PTCD3: variants seen among roughly 807,000 people sequenced by gnomAD.
PTCD3 encodes the protein small ribosomal subunit protein mS39.
Under a neutral mutation model 101.9 loss-of-function variants are expected in PTCD3, and 89 were observed. The observed-to-expected ratio is 0.87, with a 90% confidence interval of 0.74 to 1.04. PTCD3 has a LOEUF of 1.04. Among genes scored for constraint, PTCD3 ranks in the 50% least tolerant of loss-of-function variants. PTCD3 has a pLI of 0.00. For synonymous variants in PTCD3, 296 were observed against 278.5 expected (o/e 1.06, Z -0.63); for missense variants, 870 against 828.2 (o/e 1.05, Z -0.62).
At chr2:86,137,230 A>G (rs2241434) in intron 23 of PTCD3, 90 bp downstream of exon 23, 64,697 of 1,426,198 alleles carry the variant, frequency 0.045, 2,244 homozygotes, top group East Asian at 0.19. Context: ...TATCCCTTCT[A>G]TTTCCTTTCA....
rs34710000 is a variant in PTCD3, at chr2:86,140,227, C to CAAAAA, written c.*2683_*2687dup. The stretch of plus-strand genomic sequence containing the variant: ...GACTCCCCTTTCAGCAACCTCAAAG[C>CAAAAA]AAAAAAAAAAAAAAAAAAACCAGTT... On this transcript the variant is annotated 3_prime_UTR_variant, in exon 24 of 24. Coordinates refer to ENST00000254630, the MANE Select transcript of PTCD3 (RefSeq NM_017952.6). 1.9e-5 allele frequency: 2 copies of CAAAAA among 103,760 alleles called. No homozygotes were observed. The highest frequency in any genetic ancestry group is 1.0e-4 in the Admixed American group (1 of 9,898). 6.4% of individuals were successfully genotyped at this position (103,760 alleles called of 1,614,324 possible).
Position 86,136,572 on chromosome 2 carries a change from A to C in PTCD3, c.1820+10A>C. ...ATAATAAGATTCCTAGGTAAGTTGA[A>C]ATCAGCCAGCTCTCTTTGGGTACAG... On this transcript the variant is annotated intron_variant, in intron 22 of 23. Coordinates refer to ENST00000254630, the MANE Select transcript of PTCD3 (RefSeq NM_017952.6). The C allele has an allele frequency of 6.2e-7, 1 of 1,610,614 alleles. No individual in the cohort carries two copies. Among genetic ancestry groups the C allele is most frequent in the Non-Finnish European group, 8.5e-7 (1 of 1,176,768 alleles).
At chr2:86,111,679 A>T (rs1674086574) in intron 4 of PTCD3, 2 of 161,524 alleles carry the variant, frequency 1.2e-5, no homozygotes, top group South Asian at 3.3e-4. Flanking sequence ...AGACCACTTG[A>T]CATCAGGAGT....
At chr2:86,110,505 T>C (rs938950055) in intron 3 of PTCD3, among the ~76,000 whole-genome samples, 2 of 152,252 alleles carry the variant, frequency 1.3e-5, no homozygotes, top group African/African-American at 4.8e-5. Flanking sequence ...CTGTCATTTA[T>C]TCCAGTGAAG....
chr2:86,120,030 C>G (rs1050984129), intron 7 of PTCD3, among the ~76,000 whole-genome samples: 2 of 152,202 alleles, frequency 1.3e-5, no homozygotes, highest in African/African-American at 4.8e-5. Flanking sequence ...AATCATTATA[C>G]ACTTGAACAC....
At chr2:86,110,387 T>C (rs375927190) in intron 3 of PTCD3, among the ~76,000 whole-genome samples, 2 of 152,266 alleles carry the variant, frequency 1.3e-5, no homozygotes, top group Admixed American at 6.5e-5. Context: ...AAGAATGTTA[T>C]GTTAAACTTT....
In PTCD3 at chr2:86,125,520, G is replaced by A; in HGVS notation, c.865+5G>A. 1.2e-6 allele frequency: 2 copies of A among 1,601,120 alleles called. No homozygotes were observed. Among genetic ancestry groups the A allele is most frequent in the East Asian group, 2.2e-5 (1 of 44,820 alleles). On this transcript the variant is annotated splice_donor_5th_base_variant and intron_variant, in intron 11 of 23. Transcript: ENST00000254630. ...TACTAAACAACAGACTCCATGGTGAGTTTGAGAACTCCCCTCTGTCCCTTT... is the reference window on the plus strand; with the variant it reads ...TACTAAACAACAGACTCCATGGTGAATTTGAGAACTCCCCTCTGTCCCTTT...
chr2:86,112,431 A>G (rs543850344), intron 4 of PTCD3, among the ~76,000 whole-genome samples: 1 of 149,360 alleles, frequency 6.7e-6, no homozygotes, highest in East Asian at 2.0e-4. Flanking sequence ...CACTAATCCC[A>G]TCACTTTGGG....
rs527745418 is a variant in PTCD3, at chr2:86,117,706, C to T, written c.414+547C>T. Among the ~76,000 whole-genome samples, 3 of 152,202 alleles carry T rather than the reference C, an allele frequency of 2.0e-5. No homozygotes were observed. In the South Asian group the frequency reaches 6.2e-4, roughly 32 times the overall value. On this transcript the variant is annotated intron_variant, in intron 6 of 23. Transcript: ENST00000254630. ...CAAATTTCTGGGCTCAAGCAAACAC[C>T]CTTCTCAGCCTCTGCAATCTCTGGG...
rs546405339 is a variant in PTCD3 at position 86,112,709 on chromosome 2, A to T, written c.240+1551A>T. Among the ~76,000 whole-genome samples, 14 of 151,460 alleles carry T rather than the reference A, an allele frequency of 9.2e-5. No individual in the cohort carries two copies. In the South Asian group the frequency reaches 2.7e-3, roughly 29 times the overall value. On this transcript the variant is annotated intron_variant, in intron 4 of 23. Transcript: ENST00000254630. Reference sequence around the variant, plus strand: ...AAAAAAAAAAAAAAAAAAAAATTTAAAATAAAATTATCAAATCCCTTTATT... The same window carrying T: ...AAAAAAAAAAAAAAAAAAAAATTTATAATAAAATTATCAAATCCCTTTATT...
Position 86,116,572 on chromosome 2 carries a change from C to G in PTCD3, c.283C>G (p.Leu95Val). The G allele has an allele frequency of 6.2e-7, 1 of 1,610,306 alleles. No homozygotes were observed. The highest frequency in any genetic ancestry group is 8.5e-7 in the Non-Finnish European group (1 of 1,176,552). ...VPYVFQDDPY[L>V]MPASSLESRS... ...TTATGTGTTTCAAGATGATCCTTAC[C>G]TTATGCCAGCATCATCTTTGGAATC... is the stretch of plus-strand genomic sequence containing the variant. The change falls in exon 5 of 24, where the codon CTT (leucine) becomes GTT (valine). Residue 95 changes from leucine (L) to valine (V), a missense_variant. By Grantham distance (32) the Leu-to-Val change is conservative. Coordinates refer to ENST00000254630, the MANE Select transcript of PTCD3 (RefSeq NM_017952.6).
chr2:86,132,569 T>G (rs1674512141), intron 17 of PTCD3, 145 bp downstream of exon 17: 1 of 531,118 alleles, frequency 1.9e-6, no homozygotes, highest in African/African-American at 2.0e-5. Flanking sequence ...ACTTAGGAAT[T>G]AAAGCAGTGG....
intron 13 of PTCD3, chr2:86,127,533 C>G: frequency 1.9e-6 from 1 of 525,142 alleles, no homozygotes; most frequent in Non-Finnish European, 3.3e-6. Context: ...TCTGTTGAAT[C>G]TGAGGAGAAG....
intron 21 of PTCD3, chr2:86,135,866 C>G: frequency 2.0e-6 from 1 of 512,064 alleles, no homozygotes; most frequent in Non-Finnish European, 3.9e-6. Flanking sequence ...ACACTTGATA[C>G]AACCAGGCTG....
In PTCD3 at chr2:86,137,526, T is replaced by TGACAGC. The variant is rs761917424; in HGVS notation, c.2043_2048dup (p.Ser683_Asp684dup). 4 of 1,613,902 alleles carry TGACAGC rather than the reference T, an allele frequency of 2.5e-6. No individual in the cohort carries two copies. The South Asian group carries it at 4.4e-5, about 18-fold the overall frequency. On this transcript the variant is annotated inframe_insertion, in exon 24 of 24. Transcript: ENST00000254630. ...GTGACAGTGATACTGACAGCAGCAGTGACAGCGACAGTGACACCAGTGAAG... is the reference window on the plus strand; with the variant it reads ...GTGACAGTGATACTGACAGCAGCAGTGACAGCGACAGCGACAGTGACACCAGTGAAG...
chr2:86,134,249 T>G, intron 19 of PTCD3, 43 bp from the exon 20 acceptor site: 1 of 1,448,032 alleles, frequency 6.9e-7, no homozygotes, highest in South Asian at 1.2e-5. Flanking sequence ...GTGTGTTGGT[T>G]TTACATAACA....
intron 4 of PTCD3, among the ~76,000 whole-genome samples, chr2:86,115,545 C>G (rs888595006): frequency 2.6e-5 from 4 of 152,168 alleles, no homozygotes; most frequent in African/African-American, 9.7e-5. Flanking sequence ...AACACTGCCT[C>G]CAGGTTCCAG....
chr2:86,106,571 C>T (rs942753269), intron 1 of PTCD3, among the ~76,000 whole-genome samples: 1 of 152,216 alleles, frequency 6.6e-6, no homozygotes, highest in Non-Finnish European at 1.5e-5. Context: ...TTGCAATATT[C>T]TGTAGTTAAC....
intron 19 of PTCD3, 84 bp from the exon 20 acceptor site, chr2:86,134,208 C>T (rs1674539512): frequency 1.0e-6 from 1 of 992,358 alleles, no homozygotes; most frequent in Non-Finnish European, 1.5e-6. Context: ...TTATTTTTAC[C>T]TACCAAAAAA....
Sources: allele counts gnomAD v4.1 joint callset (sites outside exome capture counted in the v4.1 genomes callset), GRCh38; gene constraint gnomAD v4.1.1; transcripts MANE v1.5; gene names NCBI Gene and HGNC (gene_info 2026-07-23, HGNC 2026-07-21).